Variants in GTF2H5 observed in about 807,000 individuals in gnomAD.
GTF2H5 encodes the protein TFB5 ortholog.
GTF2H5 carries 5 observed loss-of-function variants against 7.1 expected under a neutral mutation model. That is an observed-to-expected ratio of 0.71 (90% CI 0.37 to 1.49). GTF2H5 has a LOEUF of 1.49. GTF2H5 is among the 40% of genes most tolerant of loss of function. GTF2H5 has a pLI of 0.03. For synonymous variants in GTF2H5, 30 were observed against 31.7 expected (o/e 0.95, Z 0.18); for missense variants, 80 against 83.0 (o/e 0.96, Z 0.14).
rs1169112948 is a variant in GTF2H5, at chr6:158,169,426, TATATTGTATATTATA to T, written c.-35+1032_-34-1029del. Among the ~76,000 whole-genome samples, 12 of 72,498 alleles carry T rather than the reference TATATTGTATATTATA, an allele frequency of 1.7e-4. 1 individual carries two copies. The highest frequency in any genetic ancestry group is 7.7e-4 in the African/African-American group (11 of 14,282). The allele number at this position is 72,498 out of a possible 152,430, so 47.6% of individuals were successfully genotyped here. A position where few individuals can be genotyped will look rare whatever the true frequency, so the allele number is the denominator to read the frequency against. On this transcript the variant is annotated intron_variant, in intron 1 of 2. Transcript: ENST00000607778. Reference sequence around the variant, plus strand: ...ATTGTATATTATATATTATATATAATATATTGTATATTATATATATTATATATTATATATATTATA... The same window carrying T: ...ATTGTATATTATATATTATATATAATTATATTATATATTATATATATTATA...
rs1283133258 is a variant in GTF2H5, at chr6:158,194,389, A to T, written c.*2232A>T. 6.6e-6 allele frequency: 1 copy of T among 152,142 alleles called. No homozygotes were observed. The highest frequency in any genetic ancestry group is 1.5e-5 in the Non-Finnish European group (1 of 68,030). 9.4% of individuals were successfully genotyped at this position (152,142 alleles called of 1,614,324 possible). Reference sequence around the variant, plus strand: ...CTTTATACTTTGGTTTAGGAAGGGGACGGGAGCTCAGTTGCAACAATTCTA... The same window carrying T: ...CTTTATACTTTGGTTTAGGAAGGGGTCGGGAGCTCAGTTGCAACAATTCTA... On this transcript the variant is annotated 3_prime_UTR_variant, in exon 3 of 3. Coordinates refer to ENST00000607778, the MANE Select transcript of GTF2H5 (RefSeq NM_207118.3).
chr6:158,169,655 A>ATTGTATATTG (rs1785778755), intron 1 of GTF2H5, among the ~76,000 whole-genome samples: 1 of 56,448 alleles, frequency 1.8e-5, no homozygotes. Context: ...TGTATATTAC[A>ATTGTATATTG]TATAATATAT....
At chr6:158,169,660 A>ATATATTGTATATTATATATAATATTG in intron 1 of GTF2H5, among the ~76,000 whole-genome samples, 1 of 84,684 alleles carries the variant, frequency 1.2e-5, no homozygotes, top group Non-Finnish European at 2.0e-5. Flanking sequence ...ATTACATATA[A>ATATATTGTATATTATATATAATATTG]TATATTGTAT....
intron 2 of GTF2H5, 138 bp from the exon 3 acceptor site, chr6:158,191,839 C>A (rs1777032024): frequency 1.4e-6 from 1 of 707,016 alleles, no homozygotes; most frequent in South Asian, 1.6e-5. Context: ...ACACTTGAGG[C>A]AGAGAGGAAG....
chr6:158,171,211 C>A (rs1292712220), intron 2 of GTF2H5, among the ~76,000 whole-genome samples: 1 of 152,196 alleles, frequency 6.6e-6, no homozygotes, highest in East Asian at 1.9e-4. Context: ...TATAGTCTTA[C>A]ATTTTTTCTA....
rs1777148757 is a variant in GTF2H5, at chr6:158,198,619, T to A, written c.*6462T>A. 6.6e-6 allele frequency: 1 copy of A among 152,310 alleles called. No homozygotes were observed. The highest frequency in any genetic ancestry group is 1.5e-5 in the Non-Finnish European group (1 of 68,104). The allele number at this position is 152,310 out of a possible 1,614,324, so 9.4% of individuals were successfully genotyped here. ...GGTAGAGACGGGGTTTGCACCATGT[T>A]GGCCAGGCTGGTCTCGAACTCCCAA... On this transcript the variant is annotated 3_prime_UTR_variant, in exon 3 of 3. Transcript: ENST00000607778.
chr6:158,168,701 T>A (rs1421122553), intron 1 of GTF2H5, among the ~76,000 whole-genome samples: 1 of 152,240 alleles, frequency 6.6e-6, no homozygotes, highest in East Asian at 1.9e-4. Context: ...GGACGTGATT[T>A]ATTTAGTGAA....
intron 2 of GTF2H5, among the ~76,000 whole-genome samples, chr6:158,182,837 C>T (rs150670122): frequency 1.3e-5 from 2 of 152,092 alleles, no homozygotes; most frequent in East Asian, 1.9e-4. Context: ...CTTTAACTCA[C>T]AGAAGTTTGT....
rs1413828202 is a variant in GTF2H5 at position 158,195,479 on chromosome 6, A to G, written c.*3322A>G. 2 of 152,248 alleles carry G rather than the reference A, an allele frequency of 1.3e-5. No individual in the cohort carries two copies. Among genetic ancestry groups the G allele is most frequent in the Non-Finnish European group, 2.9e-5 (2 of 68,042 alleles). 9.4% of individuals were successfully genotyped at this position (152,248 alleles called of 1,614,324 possible). A position where few individuals can be genotyped will look rare whatever the true frequency, so the allele number is the denominator to read the frequency against. ...CTATCTAACATCACAGTTGATGGAT[A>G]TAACAATGTATTTTGAGAAATCAGT... On this transcript the variant is annotated 3_prime_UTR_variant, in exon 3 of 3. Transcript: ENST00000607778.
At chr6:158,178,902 T>A (rs1785969289) in intron 2 of GTF2H5, among the ~76,000 whole-genome samples, 1 of 152,216 alleles carries the variant, frequency 6.6e-6, no homozygotes, top group South Asian at 2.1e-4. Context: ...CTTTTCTTGT[T>A]TTAGACATGA....
intron 1 of GTF2H5, among the ~76,000 whole-genome samples, chr6:158,169,507 T>C (rs192914297): frequency 0.13 from 7,800 of 57,822 alleles, 1,141 homozygotes; most frequent in African/African-American, 0.33. Flanking sequence ...ATATAATATA[T>C]TGTATATTAT....
intron 2 of GTF2H5, among the ~76,000 whole-genome samples, chr6:158,175,026 G>GTGTGTGTGTGTGTGTATA (rs1562471575): frequency 2.1e-5 from 3 of 140,140 alleles, no homozygotes; most frequent in African/African-American, 8.6e-5. Flanking sequence ...GTGTGTGTGT[G>GTGTGTGTGTGTGTGTATA]TGTGTGTGTG....
At chr6:158,176,333 TC>T (rs1179306922) in intron 2 of GTF2H5, among the ~76,000 whole-genome samples, 2 of 152,128 alleles carry the variant, frequency 1.3e-5, no homozygotes, top group African/African-American at 2.4e-5. Flanking sequence ...TTCAAACGAT[TC>T]TCCTGCTTCA....
rs1271182047 is a variant in GTF2H5, at chr6:158,192,766, C to T, written c.*609C>T. On this transcript the variant is annotated 3_prime_UTR_variant, in exon 3 of 3. Coordinates refer to ENST00000607778, the MANE Select transcript of GTF2H5 (RefSeq NM_207118.3). ...TTCCTTGTTCAAACTTTGTTGGTCACATTTTCCCATCTGTATTCTTTTTTA... is the reference window on the plus strand; with the variant it reads ...TTCCTTGTTCAAACTTTGTTGGTCATATTTTCCCATCTGTATTCTTTTTTA... 3.2e-5 allele frequency: 5 copies of T among 154,510 alleles called. No individual in the cohort carries two copies. Among genetic ancestry groups the T allele is most frequent in the Non-Finnish European group, 7.2e-5 (5 of 69,682 alleles). 9.6% of individuals were successfully genotyped at this position (154,510 alleles called of 1,614,324 possible). A position where few individuals can be genotyped will look rare whatever the true frequency, so the allele number is the denominator to read the frequency against.
At chr6:158,169,816 T>C (rs1378226005) in intron 1 of GTF2H5, among the ~76,000 whole-genome samples, 2 of 108,572 alleles carry the variant, frequency 1.8e-5, no homozygotes, top group Non-Finnish European at 3.4e-5. Context: ...TTATATATTA[T>C]ATATAAAAGT....
chr6:158,169,355 A>T (rs557248454), intron 1 of GTF2H5, among the ~76,000 whole-genome samples: 148 of 86,344 alleles, frequency 1.7e-3, no homozygotes, highest in Non-Finnish European at 2.5e-3. Flanking sequence ...TATTATATAT[A>T]ATACATATAT....
rs1434028241 is a variant in GTF2H5, at chr6:158,169,678, AATATATAAT to A, written c.-34-785_-34-777del. On this transcript the variant is annotated intron_variant, in intron 1 of 2. Transcript: ENST00000607778. Reference sequence around the variant, plus strand: ...ACATATAATATATTGTATATTATATAATATATAATATATATTATATAATATATTGTATAT... The same window carrying A: ...ACATATAATATATTGTATATTATATAATATATTATATAATATATTGTATAT... Among the ~76,000 whole-genome samples, 96 of 48,854 alleles carry A rather than the reference AATATATAAT, an allele frequency of 2.0e-3. 15 individuals carry two copies. In the East Asian group the frequency reaches 0.027, roughly 14 times the overall value. The allele number at this position is 48,854 out of a possible 152,430, so 32.1% of individuals were successfully genotyped here.
At chr6:158,170,583 A>T (rs368456320) in intron 2 of GTF2H5, 45 bp downstream of exon 2, 3 of 1,302,112 alleles carry the variant, frequency 2.3e-6, no homozygotes, top group Non-Finnish European at 3.4e-6. Context: ...TAAATATTGA[A>T]TCTTGACTTG....
At chr6:158,169,643 A>G (rs1440858607) in intron 1 of GTF2H5, among the ~76,000 whole-genome samples, 1 of 70,990 alleles carries the variant, frequency 1.4e-5, no homozygotes, top group South Asian at 4.7e-4. Flanking sequence ...TATTACATAT[A>G]TTGTATATTA....
Sources: allele counts gnomAD v4.1 joint callset (sites outside exome capture counted in the v4.1 genomes callset), GRCh38; gene constraint gnomAD v4.1.1; transcripts MANE v1.5; gene names NCBI Gene and HGNC (gene_info 2026-07-23, HGNC 2026-07-21).